LONRF2: variants seen among roughly 807,000 people sequenced by gnomAD.
LONRF2 encodes LON peptidase N-terminal domain and ring finger 2.
LONRF2 carries 35 observed loss-of-function variants against 66.6 expected under a neutral mutation model. That is an observed-to-expected ratio of 0.53 (90% CI 0.40 to 0.70). The LOEUF (loss-of-function observed/expected upper bound fraction) is 0.70. Among genes scored for constraint, LONRF2 ranks in the 30% least tolerant of loss-of-function variants. The pLI, the probability that LONRF2 is intolerant of heterozygous loss-of-function variation, is 0.00. For missense variants in LONRF2, 902 were observed against 1,002.1 expected, an observed-to-expected ratio of 0.90 and a Z score of 1.35; for synonymous variants, 417 against 418.1, an observed-to-expected ratio of 1.00 and a Z score of 0.03.
intron 1 of LONRF2, among the ~76,000 whole-genome samples, chr2:100,314,154 C>T (rs553660606): frequency 9.2e-5 from 14 of 152,016 alleles, no homozygotes; most frequent in East Asian, 5.8e-4. Flanking sequence ...AGAGGTTGTA[C>T]GAGTTTAGCT....
chr2:100,288,323 C>T (rs985084705), intron 10 of LONRF2, among the ~76,000 whole-genome samples: 2 of 152,362 alleles, frequency 1.3e-5, no homozygotes, highest in African/African-American at 4.8e-5. Context: ...ACTCCATTCA[C>T]AAATCCTAAG....
At position 100,295,467 on chromosome 2, in the gene LONRF2, C is replaced by CT. The variant is rs1257180124; in HGVS notation, c.1562dup (p.Arg522GlufsTer4). ...CTGACATTTCTTCATCATAAATTCT[C>CT]TTCCTATCAGACAATTCATCCGGCA... On this transcript the variant is annotated frameshift_variant, in exon 8 of 12. Coordinates refer to ENST00000393437, the MANE Select transcript of LONRF2 (RefSeq NM_198461.4). LOFTEE classifies it high-confidence loss of function. The CT allele has an allele frequency of 1.2e-6, 2 of 1,613,790 alleles. No individual in the cohort carries two copies. Among genetic ancestry groups the CT allele is most frequent in the Non-Finnish European group, 1.7e-6 (2 of 1,179,914 alleles).
chr2:100,315,275 T>C (rs1048821872), intron 1 of LONRF2, among the ~76,000 whole-genome samples: 21 of 150,300 alleles, frequency 1.4e-4, no homozygotes, highest in African/African-American at 5.1e-4. Flanking sequence ...TATATAGTTA[T>C]GTTTGATAAC....
At chr2:100,293,070 C>T (rs922954584) in intron 9 of LONRF2, among the ~76,000 whole-genome samples, 2 of 152,136 alleles carry the variant, frequency 1.3e-5, no homozygotes, top group African/African-American at 4.8e-5. Flanking sequence ...GTTTGTTCAG[C>T]CAGATCTGGG....
At chr2:100,294,850 G>A (rs556159189) in intron 8 of LONRF2, among the ~76,000 whole-genome samples, 10 of 152,152 alleles carry the variant, frequency 6.6e-5, no homozygotes, top group Non-Finnish European at 2.9e-5. Context: ...TTTTAAAACT[G>A]TGCTTCACTT....
chr2:100,289,436 T>G (rs1431924008), intron 10 of LONRF2, among the ~76,000 whole-genome samples: 1 of 140,614 alleles, frequency 7.1e-6, no homozygotes, highest in Admixed American at 7.1e-5. Flanking sequence ...AGGTCTTTTT[T>G]TTTTTTTTTT....
At chr2:100,294,778 A>G (rs1198413657) in intron 8 of LONRF2, among the ~76,000 whole-genome samples, 1 of 152,198 alleles carries the variant, frequency 6.6e-6, no homozygotes, top group African/African-American at 2.4e-5. Context: ...ATTTTAAAAG[A>G]TGAAAACTGT....
At chr2:100,289,437 T>C (rs1037134312) in intron 10 of LONRF2, among the ~76,000 whole-genome samples, 5 of 141,366 alleles carry the variant, frequency 3.5e-5, no homozygotes, top group African/African-American at 1.3e-4. Context: ...GGTCTTTTTT[T>C]TTTTTTTTTT....
At chr2:100,313,792 A>T (rs1299246154) in intron 1 of LONRF2, among the ~76,000 whole-genome samples, 1 of 152,086 alleles carries the variant, frequency 6.6e-6, no homozygotes, top group African/African-American at 2.4e-5. Context: ...GTCACTTTGG[A>T]TTACTTTATC....
chr2:100,303,154 T>C, intron 2 of LONRF2, 111 bp from the exon 3 acceptor site: 1 of 1,135,534 alleles, frequency 8.8e-7, no homozygotes, highest in Non-Finnish European at 1.2e-6. Flanking sequence ...AATTTCACAT[T>C]ACATAGAATA....
At chr2:100,309,620 T>C (rs925035808) in intron 1 of LONRF2, 1 of 152,824 alleles carries the variant, frequency 6.5e-6, no homozygotes, top group Non-Finnish European at 1.5e-5. Context: ...ATAATTTTTA[T>C]GAAAGTATGC....
intron 7 of LONRF2, among the ~76,000 whole-genome samples, 183 bp downstream of exon 7, chr2:100,298,653 T>C (rs1351891735): frequency 6.6e-6 from 1 of 152,040 alleles, no homozygotes; most frequent in Non-Finnish European, 1.5e-5. Context: ...TAGCAATTTC[T>C]GTATGTCAAC....
At chr2:100,307,047 A>G (rs940423684) in intron 2 of LONRF2, among the ~76,000 whole-genome samples, 3 of 151,080 alleles carry the variant, frequency 2.0e-5, no homozygotes, top group Non-Finnish European at 4.4e-5. Flanking sequence ...CCGCCTCCCG[A>G]GTAGCTGGGA....
intron 9 of LONRF2, 115 bp downstream of exon 9, chr2:100,294,114 T>C (rs989772020): frequency 4.1e-6 from 5 of 1,223,946 alleles, no homozygotes; most frequent in African/African-American, 3.1e-5. Flanking sequence ...TGGACTTTGT[T>C]ACGTAACGGG....
Position 100,294,248 on chromosome 2 carries a change from A to C in LONRF2, c.1738T>G (p.Leu580Val). 1 of 1,604,636 alleles carries C rather than the reference A, an allele frequency of 6.2e-7. No individual in the cohort carries two copies. Among genetic ancestry groups the C allele is most frequent in the Non-Finnish European group, 8.5e-7 (1 of 1,176,656 alleles). Residue 580 changes from leucine (L) to valine (V), a missense_variant, in exon 9 of 12, where the codon TTA becomes GTA. Transcript: ENST00000393437. Reference sequence around the variant, plus strand: ...TCTTACCCCGCGTGCTCAGCAGATAAACACATGCCAAACCGCTTGGTGCCA... The same window carrying C: ...TCTTACCCCGCGTGCTCAGCAGATACACACATGCCAAACCGCTTGGTGCCA... ...ETGTKRFGMC[L>V]SAEHAGLSEY...
At chr2:100,306,918 T>C (rs1310378790) in intron 2 of LONRF2, among the ~76,000 whole-genome samples, 2 of 131,212 alleles carry the variant, frequency 1.5e-5, no homozygotes, top group Non-Finnish European at 3.1e-5. Flanking sequence ...TGAGGTGGAG[T>C]CTCGCTCTTT....
chr2:100,288,868 C>G (rs1674898706), intron 10 of LONRF2, among the ~76,000 whole-genome samples: 1 of 152,200 alleles, frequency 6.6e-6, no homozygotes, highest in Admixed American at 6.5e-5. Context: ...TGTTTACTGA[C>G]TCAAGTGTGA....
Position 100,294,304 on chromosome 2 carries a change from T to C in LONRF2, c.1682A>G (p.Tyr561Cys), listed in dbSNP as rs1675020691. ...PCPLHVFEPR[Y>C]RLMIRRCMET... is the part of the protein sequence containing the mutation. Reference sequence around the variant, plus strand: ...CATGCATCTTCTTATCATAAGCCGATAGCGGGGCTCAAAAACGTGGAGTGG... The same window carrying C: ...CATGCATCTTCTTATCATAAGCCGACAGCGGGGCTCAAAAACGTGGAGTGG... The change falls in exon 9 of 12, where the codon TAT becomes TGT. Residue 561 changes from tyrosine (Y) to cysteine (C), a missense_variant. Physicochemically the swap from Tyr to Cys is radical, Grantham distance 194 (BLOSUM62 -2). This residue lies in a region of LONRF2 where 317 missense variants were observed against 432.2 expected (regional missense o/e 0.73). Coordinates refer to ENST00000393437, the MANE Select transcript of LONRF2 (RefSeq NM_198461.4). The C allele has an allele frequency of 1.2e-6, 2 of 1,609,558 alleles. No individual in the cohort carries two copies. The highest frequency in any genetic ancestry group is 1.3e-5 in the African/African-American group (1 of 74,708).
rs942350031 is a variant in LONRF2, at chr2:100,276,028, C to G, written c.*8270G>C. ...ACATATGCAGCTAAACGGAAGGTCCCTAATCTGATCCAATTAGAAATCCAA... is the reference window on the plus strand; with the variant it reads ...ACATATGCAGCTAAACGGAAGGTCCGTAATCTGATCCAATTAGAAATCCAA... On this transcript the variant is annotated 3_prime_UTR_variant, in exon 12 of 12. Transcript: ENST00000393437. 1 of 152,066 alleles carries G rather than the reference C, an allele frequency of 6.6e-6. No individual in the cohort carries two copies. Among genetic ancestry groups the G allele is most frequent in the Non-Finnish European group, 1.5e-5 (1 of 68,018 alleles). The allele number at this position is 152,066 out of a possible 1,614,324, so 9.4% of individuals were successfully genotyped here.
Sources: allele counts gnomAD v4.1 joint callset (sites outside exome capture counted in the v4.1 genomes callset), GRCh38; gene constraint gnomAD v4.1.1; regional missense constraint gnomAD v4.1.1; transcripts MANE v1.5; gene names NCBI Gene and HGNC (gene_info 2026-07-23, HGNC 2026-07-21).